The following MACROD2 variants were observed in gnomAD, a reference collection of about 807,000 sequenced individuals.
The protein encoded by MACROD2 is ADP-ribose glycohydrolase MACROD2.
MACROD2 carries 36 observed loss-of-function variants against 70.4 expected under a neutral mutation model. The ratio of observed to expected loss-of-function variants is 0.51; its 90% confidence interval spans 0.39 to 0.68. The LOEUF (loss-of-function observed/expected upper bound fraction) is 0.68, where lower values mean the gene tolerates loss of function less well. Among genes scored for constraint, MACROD2 ranks in the 30% least tolerant of loss-of-function variants. MACROD2 has a pLI of 0.00. For synonymous variants in MACROD2, 172 were observed against 178.8 expected (o/e 0.96, Z 0.30); for missense variants, 496 against 538.4 (o/e 0.92, Z 0.78).
chr20:15,673,744 GTATAATAC>G (rs1238742456), intron 8 of MACROD2, among the ~76,000 whole-genome samples: 2 of 149,108 alleles, frequency 1.3e-5, no homozygotes, highest in African/African-American at 4.9e-5. Context: ...AGTGTTCTAG[GTATAATAC>G]TTTAGATTAC....
chr20:14,686,409 C>CTG lies in MACROD2; in HGVS notation c.418+1451_418+1452dup, dbSNP rs1057451943. 3.9e-4 allele frequency among the ~76,000 whole-genome samples: 60 copies of CTG among 152,250 alleles called. No individual in the cohort carries two copies. In the Middle Eastern group the frequency reaches 0.01, roughly 26 times the overall value. ...AAACAAAGTTTTGATTGTGTTTTGA[C>CTG]TGGCCTGTCACATGAGATAAAGTGT... On this transcript the variant is annotated intron_variant, in intron 5 of 17. Coordinates refer to ENST00000684519, the MANE Select transcript of MACROD2 (RefSeq NM_001351661.2).
chr20:14,320,844 G>A (rs187599682), intron 3 of MACROD2, among the ~76,000 whole-genome samples: 12 of 152,000 alleles, frequency 7.9e-5, no homozygotes, highest in East Asian at 5.8e-4. Flanking sequence ...TTTATTTCTC[G>A]ATAATTTTGG....
chr20:14,856,867 C>T (rs2073260435), intron 5 of MACROD2, among the ~76,000 whole-genome samples: 1 of 152,048 alleles, frequency 6.6e-6, no homozygotes, highest in Non-Finnish European at 1.5e-5. Context: ...TAAATGACCC[C>T]ACCTCTCAAA....
chr20:14,413,100 A>G (rs892225790), intron 3 of MACROD2, among the ~76,000 whole-genome samples: 2 of 152,006 alleles, frequency 1.3e-5, no homozygotes, highest in Non-Finnish European at 2.9e-5. Context: ...AGCCAGCTAT[A>G]CTATTATTAT....
intron 6 of MACROD2, among the ~76,000 whole-genome samples, chr20:15,337,461 TCTG>T (rs371830809): frequency 1.4e-4 from 21 of 151,938 alleles, no homozygotes; most frequent in African/African-American, 5.1e-4. Context: ...TCTTTAAACG[TCTG>T]CATAAAGGTT....
In MACROD2 at chr20:14,431,049, G is replaced by C. The variant is rs1600230376; in HGVS notation, c.272-62430G>C. 3.3e-5 allele frequency among the ~76,000 whole-genome samples: 5 copies of C among 152,188 alleles called. No homozygotes were observed. The South Asian group carries it at 6.2e-4, about 19-fold the overall frequency. On this transcript the variant is annotated intron_variant, in intron 3 of 17. Coordinates refer to ENST00000684519, the MANE Select transcript of MACROD2 (RefSeq NM_001351661.2). ...ATCTTCTCTGAGGCACTGGTATTTT[G>C]GGTTTCCTTTTTTACATAAGCTGTT...
intron 8 of MACROD2, among the ~76,000 whole-genome samples, chr20:15,655,611 A>T (rs1451990313): frequency 6.6e-6 from 1 of 152,208 alleles, no homozygotes; most frequent in East Asian, 1.9e-4. Context: ...CCTACCACAA[A>T]AGAAAAAATG....
chr20:15,646,814 A>T (rs900047648), intron 8 of MACROD2, among the ~76,000 whole-genome samples: 2 of 152,156 alleles, frequency 1.3e-5, no homozygotes, highest in African/African-American at 4.8e-5. Context: ...GTTAAGTTTC[A>T]TGAGGCCTCC....
intron 6 of MACROD2, among the ~76,000 whole-genome samples, chr20:15,308,664 G>A (rs1245973595): frequency 1.3e-5 from 2 of 152,110 alleles, no homozygotes; most frequent in South Asian, 2.1e-4. Context: ...TAGATTCAAG[G>A]AAGAAGTCCA....
intron 15 of MACROD2, among the ~76,000 whole-genome samples, chr20:16,026,350 T>C (rs1441417683): frequency 6.6e-6 from 1 of 152,222 alleles, no homozygotes; most frequent in Non-Finnish European, 1.5e-5. Flanking sequence ...ATCATAGTGA[T>C]GTCCCTGGCA....
At chr20:14,969,361 T>C (rs1331739086) in intron 5 of MACROD2, among the ~76,000 whole-genome samples, 1 of 138,052 alleles carries the variant, frequency 7.2e-6, no homozygotes, top group Non-Finnish European at 1.6e-5. Context: ...TAAATGCTTT[T>C]ACACACACAC....
intron 3 of MACROD2, among the ~76,000 whole-genome samples, chr20:14,397,815 A>G (rs1054063516): frequency 1.3e-5 from 2 of 152,194 alleles, no homozygotes; most frequent in Non-Finnish European, 2.9e-5. Context: ...CCACAGTGCC[A>G]TAGAACACTA....
intron 5 of MACROD2, among the ~76,000 whole-genome samples, chr20:15,226,679 T>G (rs1044784735): frequency 3.3e-5 from 5 of 152,198 alleles, no homozygotes. Flanking sequence ...GCCTATGAGC[T>G]GCTTAACCAT....
chr20:14,336,960 T>C (rs893838277), intron 3 of MACROD2, among the ~76,000 whole-genome samples: 3 of 152,214 alleles, frequency 2.0e-5, no homozygotes, highest in Non-Finnish European at 4.4e-5. Context: ...ATGCTTTTCA[T>C]GTACTGCGTA....
rs1239938852 is a variant in MACROD2, at chr20:14,326,416, A to G, written c.272-167063A>G. The G allele has an allele frequency of 2.5e-6, 4 of 1,613,856 alleles. No individual in the cohort carries two copies. The highest frequency in any genetic ancestry group is 3.4e-6 in the Non-Finnish European group (4 of 1,179,868). ...GTTGGGTATTGCAGTGGTTATCTGA[A>G]TGGTGCTTACAATCCCACTGTCCTT... On this transcript the variant is annotated intron_variant, in intron 3 of 17. Coordinates refer to ENST00000684519, the MANE Select transcript of MACROD2 (RefSeq NM_001351661.2). This position sits in a 1 kb window ranked among gnomAD's most constrained non-coding sequence, Gnocchi z 5.5.
chr20:14,238,306 T>C (rs1202577535), intron 3 of MACROD2, among the ~76,000 whole-genome samples: 2 of 152,164 alleles, frequency 1.3e-5, no homozygotes, highest in Non-Finnish European at 2.9e-5. Flanking sequence ...AAACACATGA[T>C]TATATTATTA....
At chr20:14,849,879 C>G (rs570817523) in intron 5 of MACROD2, 1 of 478,272 alleles carries the variant, frequency 2.1e-6, no homozygotes, top group South Asian at 1.6e-5. Context: ...CTAACCCTTA[C>G]TCTGGCATTT....
intron 2 of MACROD2, among the ~76,000 whole-genome samples, chr20:14,050,090 A>G (rs996506178): frequency 2.0e-5 from 3 of 150,818 alleles, no homozygotes; most frequent in African/African-American, 7.3e-5. Flanking sequence ...CCCATCTCAA[A>G]AAAAAAAAAA....
chr20:15,655,288 C>T (rs1198417976), intron 8 of MACROD2, among the ~76,000 whole-genome samples: 3 of 149,170 alleles, frequency 2.0e-5, no homozygotes, highest in East Asian at 3.9e-4. Flanking sequence ...GATGTTTAGG[C>T]ATTTTATATT....
Sources: allele counts gnomAD v4.1 joint callset (sites outside exome capture counted in the v4.1 genomes callset), GRCh38; gene constraint gnomAD v4.1.1; non-coding constraint Gnocchi (gnomAD v3.1); transcripts MANE v1.5; gene names NCBI Gene and HGNC (gene_info 2026-07-23, HGNC 2026-07-21).